BMPR1B: variants seen among roughly 807,000 people sequenced by gnomAD.
BMPR1B encodes the protein bone morphogenetic protein receptor type-1B.
A neutral mutation model predicts 59.1 loss-of-function variants in BMPR1B; 12 were observed. The ratio of observed to expected loss-of-function variants is 0.20; its 90% CI spans 0.13 to 0.33. The LOEUF (loss-of-function observed/expected upper bound fraction) is 0.33. Among genes scored for constraint, BMPR1B ranks in the 10% least tolerant of loss-of-function variants. The pLI, the probability that BMPR1B is intolerant of heterozygous loss-of-function variation, is 1.00. For synonymous variants in BMPR1B, 237 were observed against 207.3 expected (o/e 1.14, Z -1.23); for missense variants, 550 against 610.9 (o/e 0.90, Z 1.05).
rs1181869221 is a variant in BMPR1B at position 95,131,318 on chromosome 4, C to A, written c.882C>A (p.Thr294=). Residue 294 remains threonine, a synonymous_variant, in exon 10 of 13, where the codon ACC becomes ACA. Coordinates refer to ENST00000515059, the MANE Select transcript of BMPR1B (RefSeq NM_001203.3). ...NGSLYDYLKS[T]TLDAKSMLKL... ...CCCTTTATGATTATCTGAAGTCCAC[C>A]ACCCTAGACGCTAAATCAATGCTGA... 1 of 1,613,888 alleles carries A rather than the reference C, an allele frequency of 6.2e-7. No homozygotes were observed. The highest frequency in any genetic ancestry group is 1.1e-5 in the South Asian group (1 of 91,074).
chr4:94,804,263 A>G (rs947944199), intron 1 of BMPR1B, among the ~76,000 whole-genome samples: 2 of 152,190 alleles, frequency 1.3e-5, no homozygotes, highest in African/African-American at 4.8e-5. Context: ...ATACTTTTCA[A>G]ACTGTATCTT....
intron 3 of BMPR1B, among the ~76,000 whole-genome samples, chr4:95,088,612 G>A (rs2149245471): frequency 6.6e-6 from 1 of 152,136 alleles, no homozygotes; most frequent in Middle Eastern, 3.4e-3. Context: ...CTAGAGAATG[G>A]GAGCCACTAG....
At chr4:95,002,626 T>G (rs1290223557) in intron 3 of BMPR1B, among the ~76,000 whole-genome samples, 2 of 152,188 alleles carry the variant, frequency 1.3e-5, no homozygotes, top group African/African-American at 4.8e-5. Context: ...TTTTTGAACA[T>G]ATAGCAGCCT....
chr4:94,843,482 C>T (rs1725180338), intron 1 of BMPR1B, among the ~76,000 whole-genome samples: 1 of 152,152 alleles, frequency 6.6e-6, no homozygotes, highest in African/African-American at 2.4e-5. Flanking sequence ...TGTCTAACTT[C>T]AGATGAATGG....
intron 2 of BMPR1B, among the ~76,000 whole-genome samples, chr4:94,894,422 C>A (rs547742208): frequency 6.8e-6 from 1 of 148,068 alleles, no homozygotes; most frequent in East Asian, 2.0e-4. Flanking sequence ...ACAAACATAG[C>A]CATTATGGCC....
rs145266439 is a variant in BMPR1B at position 94,951,694 on chromosome 4, A to G, written c.-112-44346A>G. Among the ~76,000 whole-genome samples, 913 of 152,284 alleles carry G rather than the reference A, an allele frequency of 6.0e-3. 8 individuals carry two copies. Among genetic ancestry groups the G allele is most frequent in the African/African-American group, 0.02 (848 of 41,534 alleles). ...ATTGAGGATTTTTGCATCAATATTC[A>G]TCAGCGATATTGGCCTGAAATTTTC... On this transcript the variant is annotated intron_variant, in intron 2 of 12. Transcript: ENST00000515059.
intron 7 of BMPR1B, among the ~76,000 whole-genome samples, chr4:95,124,129 T>G (rs1192921297): frequency 6.6e-6 from 1 of 152,050 alleles, no homozygotes; most frequent in South Asian, 2.1e-4. Flanking sequence ...ACTACCCATA[T>G]AAATATTTTA....
chr4:94,884,525 C>T (rs1205813166), intron 2 of BMPR1B, among the ~76,000 whole-genome samples: 1 of 150,588 alleles, frequency 6.6e-6, no homozygotes, highest in African/African-American at 2.4e-5. Context: ...GACTCTGTCT[C>T]AAAAAAAACA....
At chr4:94,897,230 T>G (rs997427102) in intron 2 of BMPR1B, among the ~76,000 whole-genome samples, 1 of 152,048 alleles carries the variant, frequency 6.6e-6, no homozygotes, top group African/African-American at 2.4e-5. Context: ...CTGTCCCAGC[T>G]CTTCCTGCTT....
chr4:94,924,379 C>T (rs542460302), intron 2 of BMPR1B, among the ~76,000 whole-genome samples: 2 of 152,130 alleles, frequency 1.3e-5, no homozygotes, highest in East Asian at 3.9e-4. Flanking sequence ...AGTTGGAGAA[C>T]CTATTAGGAT....
intron 3 of BMPR1B, among the ~76,000 whole-genome samples, chr4:95,002,504 C>T (rs1183021846): frequency 6.6e-6 from 1 of 152,158 alleles, no homozygotes; most frequent in Non-Finnish European, 1.5e-5. Context: ...CAATGGGATT[C>T]ACTGGGTCGA....
intron 2 of BMPR1B, among the ~76,000 whole-genome samples, chr4:94,898,612 C>G (rs1727679664): frequency 6.6e-6 from 1 of 152,048 alleles, no homozygotes; most frequent in Non-Finnish European, 1.5e-5. Flanking sequence ...TGAGGCCTCC[C>G]AGCAATGTGG....
At chr4:94,870,986 A>G (rs2148967557) in intron 1 of BMPR1B, among the ~76,000 whole-genome samples, 1 of 150,684 alleles carries the variant, frequency 6.6e-6, no homozygotes, top group Admixed American at 6.6e-5. Context: ...GTAAATGATG[A>G]TGATTTTTTT....
intron 2 of BMPR1B, among the ~76,000 whole-genome samples, chr4:94,935,974 AT>A (rs35225082): frequency 0.32 from 49,053 of 151,742 alleles, 7,998 homozygotes; most frequent in South Asian, 0.47. Context: ...CCTTGGATTA[AT>A]TTTTTTTCCT....
At chr4:94,942,895 T>G (rs535542716) in intron 2 of BMPR1B, among the ~76,000 whole-genome samples, 10 of 152,344 alleles carry the variant, frequency 6.6e-5, no homozygotes, top group African/African-American at 2.4e-4. Flanking sequence ...TAGGGAACTA[T>G]CTAACACTTT....
At chr4:94,918,817 A>G (rs1049051507) in intron 2 of BMPR1B, among the ~76,000 whole-genome samples, 6 of 151,986 alleles carry the variant, frequency 3.9e-5, no homozygotes, top group Admixed American at 1.3e-4. Context: ...AACCCTGCCT[A>G]TATTACTCTT....
intron 2 of BMPR1B, among the ~76,000 whole-genome samples, chr4:94,956,106 T>TTA (rs1476927130): frequency 6.6e-5 from 10 of 152,250 alleles, no homozygotes; most frequent in Non-Finnish European, 1.0e-4. Flanking sequence ...TCTTGGTATC[T>TTA]TACGTTTTGA....
chr4:95,131,109 AATGCT>A (rs1733321828), intron 9 of BMPR1B, 101 bp from the exon 10 acceptor site: 4 of 1,213,078 alleles, frequency 3.3e-6, no homozygotes, highest in Non-Finnish European at 4.7e-6. Flanking sequence ...AATTGAATGA[AATGCT>A]AAACAAAAAT....
chr4:94,983,972 C>T (rs1162897800), intron 2 of BMPR1B, among the ~76,000 whole-genome samples: 1 of 152,102 alleles, frequency 6.6e-6, no homozygotes, highest in Non-Finnish European at 1.5e-5. Flanking sequence ...AGAAATGTTC[C>T]ATGAGAAGGA....
Sources: gnomAD v4.1 joint callset for allele counts (sites outside exome capture counted in the v4.1 genomes callset) on GRCh38, gnomAD v4.1.1 for gene constraint, MANE v1.5 for transcripts, NCBI Gene and HGNC (gene_info 2026-07-23, HGNC 2026-07-21) for gene names.